SIN3A: variants seen among roughly 807,000 people sequenced by gnomAD.
SIN3A encodes SIN3 transcription regulator family member A.
Under a neutral mutation model 146.1 loss-of-function variants are expected in SIN3A, and 14 were observed. That is an observed-to-expected ratio of 0.10 (90% CI 0.06 to 0.15). The LOEUF (loss-of-function observed/expected upper bound fraction) is 0.15, where lower values mean the gene tolerates loss of function less well. Ranked by LOEUF, SIN3A falls within the 10% of genes least tolerant of loss-of-function variation. The pLI, the probability that SIN3A is intolerant of heterozygous loss-of-function variation, is 1.00. For missense variants in SIN3A, 1,028 were observed against 1,576.0 expected, an observed-to-expected ratio of 0.65 and a Z score of 5.89; for synonymous variants, 572 against 572.0, an observed-to-expected ratio of 1.00 and a Z score of 0.00.
rs772510294 is a variant in SIN3A at position 75,411,717 on chromosome 15, C to T, written c.783G>A (p.Pro261=). The T allele has an allele frequency of 1.5e-5, 24 of 1,608,270 alleles. No individual in the cohort carries two copies. The highest frequency in any genetic ancestry group is 3.3e-5 in the Admixed American group (2 of 59,708). ...GAAGTGGGGGAGTCTGCTGACTGGCCGGAGTATGTGCTTGCAGTTGGGAGG... is the reference window on the plus strand; with the variant it reads ...GAAGTGGGGGAGTCTGCTGACTGGCTGGAGTATGTGCTTGCAGTTGGGAGG... ...SKPSQLQAHT[P]ASQQTPPLPP... Residue 261 remains proline, a synonymous_variant, in exon 6 of 21, where the codon CCG becomes CCA. Transcript: ENST00000394947.
chr15:75,387,277 C>T (rs1567326113), intron 16 of SIN3A, among the ~76,000 whole-genome samples: 2 of 152,040 alleles, frequency 1.3e-5, no homozygotes, highest in Admixed American at 6.6e-5. Flanking sequence ...GTAATCGCAG[C>T]GCTTTGGGAG....
intron 16 of SIN3A, among the ~76,000 whole-genome samples, chr15:75,386,364 C>T (rs1235335818): frequency 6.6e-6 from 1 of 152,162 alleles, no homozygotes; most frequent in East Asian, 1.9e-4. Context: ...ATTACTGATT[C>T]CCCACCCATA....
chr15:75,389,906 T>TAAATGGCATTTG, intron 15 of SIN3A, 85 bp from the exon 16 acceptor site: 6 of 1,329,802 alleles, frequency 4.5e-6, no homozygotes, highest in Non-Finnish European at 6.3e-6. Context: ...ACAGCTGGCC[T>TAAATGGCATTTG]AAATGGCATT....
At chr15:75,393,509 T>C (rs1003831807) in intron 14 of SIN3A, among the ~76,000 whole-genome samples, 2 of 152,058 alleles carry the variant, frequency 1.3e-5, no homozygotes, top group African/African-American at 4.8e-5. Context: ...CCTGAGTAGC[T>C]GGGATTAAGA....
At chr15:75,452,960 G>C (rs545702175), upstream of SIN3A, 2 of 152,384 alleles carry the variant, frequency 1.3e-5, no homozygotes, top group Admixed American at 1.3e-4. Flanking sequence ...GTGAGACAAA[G>C]TGCTTTCAAT....
chr15:75,402,217 T>G (rs1319157669), intron 9 of SIN3A, among the ~76,000 whole-genome samples: 1 of 152,004 alleles, frequency 6.6e-6, no homozygotes, highest in African/African-American at 2.4e-5. Flanking sequence ...TTTTAAAAAC[T>G]GGGGAAATTT....
upstream of SIN3A, among the ~76,000 whole-genome samples, chr15:75,454,702 A>G (rs1369984435): frequency 5.5e-5 from 8 of 145,672 alleles, no homozygotes; most frequent in Admixed American, 2.7e-4. Context: ...CCCCCGCCCC[A>G]TCCGCGCCGA....
intron 2 of SIN3A, among the ~76,000 whole-genome samples, chr15:75,429,065 T>C (rs1337903678): frequency 6.6e-6 from 1 of 152,242 alleles, no homozygotes; most frequent in Non-Finnish European, 1.5e-5. Flanking sequence ...ATCAACCATT[T>C]ATGTTATCGG....
In SIN3A at chr15:75,448,704, T is replaced by C. The variant is rs893642812; in HGVS notation, c.-34+2719A>G. ...AGAGAGAAAGCCATGAAAAGCACTA[T>C]GCTAAACTACTGAATGCCAGGGATA... On this transcript the variant is annotated intron_variant, in intron 1 of 20. Coordinates refer to ENST00000394947, the MANE Select transcript of SIN3A (RefSeq NM_001145358.2). Among the ~76,000 whole-genome samples, 8 of 152,196 alleles carry C rather than the reference T, an allele frequency of 5.3e-5. No individual in the cohort carries two copies. In the East Asian group the frequency reaches 5.8e-4, roughly 11 times the overall value.
intron 16 of SIN3A, among the ~76,000 whole-genome samples, chr15:75,385,360 A>AT (rs757654164): frequency 6.6e-6 from 1 of 152,118 alleles, no homozygotes; most frequent in East Asian, 1.9e-4. Flanking sequence ...CACATCACCT[A>AT]TTTTTCTGTA....
At chr15:75,433,003 T>C (rs1305109510) in intron 1 of SIN3A, among the ~76,000 whole-genome samples, 1 of 152,076 alleles carries the variant, frequency 6.6e-6, no homozygotes, top group Non-Finnish European at 1.5e-5. Context: ...TTCGCACCAC[T>C]GCACCCCAGG....
Position 75,422,785 on chromosome 15 carries a change from G to A in SIN3A, c.228C>T (p.Pro76=), listed in dbSNP as rs200111220. 256 of 1,614,132 alleles carry A rather than the reference G, an allele frequency of 1.6e-4. No homozygotes were observed. The highest frequency in any genetic ancestry group is 2.3e-4 in the Admixed American group (14 of 60,008). ...AMPQSSGSHG[P]AIAAVHSSHH... ...GGCTGCTATGAACTGCTGCTATAGC[G>A]GGCCCATGACTGCCGGAGCTCTGTG... Residue 76 remains proline, a synonymous_variant, in exon 3 of 21, where the codon CCC becomes CCT. Transcript: ENST00000394947.
intron 6 of SIN3A, 140 bp from the exon 7 acceptor site, chr15:75,410,426 C>A: frequency 1.4e-6 from 1 of 730,648 alleles, no homozygotes; most frequent in South Asian, 2.5e-5. Context: ...GTTCTGACCA[C>A]AGACTTTCAA....
At chr15:75,376,123 A>C in intron 19 of SIN3A, 1 of 547,994 alleles carries the variant, frequency 1.8e-6, no homozygotes, top group Non-Finnish European at 3.3e-6. Context: ...TTTAATGAGA[A>C]ACTTCTAGGC....
Position 75,384,297 on chromosome 15 carries a change from A to G in SIN3A, c.3162T>C (p.Ala1054=). 1.2e-6 allele frequency: 2 copies of G among 1,613,032 alleles called. No individual in the cohort carries two copies. The highest frequency in any genetic ancestry group is 2.7e-5 in the African/African-American group (2 of 74,952). The change falls in exon 17 of 21, where the codon GCT becomes GCC. Residue 1054 remains alanine (A), a synonymous_variant. Coordinates refer to ENST00000394947, the MANE Select transcript of SIN3A (RefSeq NM_001145358.2). The stretch of plus-strand genomic sequence containing the variant: ...AATTCTCATCTGACATTAGCTGCTC[A>G]GCTTTCCGCTGATACGTTGACTCCA... ...SLLESTYQRK[A]EQLMSDENCF...
intron 1 of SIN3A, among the ~76,000 whole-genome samples, chr15:75,445,067 A>T (rs1347932175): frequency 6.6e-6 from 1 of 151,866 alleles, no homozygotes; most frequent in Non-Finnish European, 1.5e-5. Context: ...TCTATTTAAT[A>T]TAAGAAATAT....
At chr15:75,403,196 G>T (rs1279033481) in intron 9 of SIN3A, among the ~76,000 whole-genome samples, 1 of 151,856 alleles carries the variant, frequency 6.6e-6, no homozygotes, top group Non-Finnish European at 1.5e-5. Context: ...GCCGAGGTGG[G>T]TGGATCACCT....
chr15:75,404,787 C>A (rs948568960), intron 9 of SIN3A, among the ~76,000 whole-genome samples: 1 of 151,152 alleles, frequency 6.6e-6, no homozygotes, highest in African/African-American at 2.4e-5. Flanking sequence ...AACAAAAAAA[C>A]AAAAACAAAA....
chr15:75,407,719 C>T (rs1247901886), intron 8 of SIN3A, among the ~76,000 whole-genome samples: 4 of 151,584 alleles, frequency 2.6e-5, no homozygotes, highest in East Asian at 1.9e-4. Context: ...GGTGAAACCC[C>T]GTCTCTACTA....
Sources: gnomAD v4.1 joint callset for allele counts (sites outside exome capture counted in the v4.1 genomes callset) on GRCh38, gnomAD v4.1.1 for gene constraint, MANE v1.5 for transcripts, NCBI Gene and HGNC (gene_info 2026-07-23, HGNC 2026-07-21) for gene names.